The following TBCE variants were observed in gnomAD, a reference collection of about 807,000 sequenced individuals.
TBCE encodes the protein tubulin-specific chaperone E.
Under a neutral mutation model 77.0 loss-of-function variants are expected in TBCE, and 53 were observed. The observed-to-expected ratio is 0.69, with a 90% confidence interval of 0.55 to 0.87. The LOEUF is 0.87. Ranked by LOEUF, TBCE falls within the 40% of genes least tolerant of loss-of-function variation. TBCE has a pLI of 0.00. For missense variants in TBCE, 624 were observed against 622.4 expected (o/e 1.00, Z -0.03); for synonymous variants, 235 against 241.3 (o/e 0.97, Z 0.24).
intron 15 of TBCE, among the ~76,000 whole-genome samples, chr1:235,444,805 A>G (rs1382204457): frequency 6.6e-6 from 1 of 152,240 alleles, no homozygotes; most frequent in Non-Finnish European, 1.5e-5. Context: ...TGTTACCACT[A>G]TAGAGTATTT....
intron 2 of TBCE, among the ~76,000 whole-genome samples, chr1:235,380,513 G>A (rs1341109167): frequency 1.3e-5 from 2 of 151,920 alleles, no homozygotes; most frequent in African/African-American, 4.8e-5. Flanking sequence ...ATCCACGTGT[G>A]TAGGTATCTA....
At chr1:235,412,283 T>A in intron 3 of TBCE, among the ~76,000 whole-genome samples, 1 of 78,032 alleles carries the variant, frequency 1.3e-5, no homozygotes, top group African/African-American at 4.9e-5. Flanking sequence ...CAGGCTAGAG[T>A]GCAATGATGT....
chr1:235,424,732 C>T (rs1390139859), intron 5 of TBCE, among the ~76,000 whole-genome samples: 7 of 151,528 alleles, frequency 4.6e-5, no homozygotes, highest in African/African-American at 1.2e-4. Flanking sequence ...CTCGAACCCC[C>T]GACCTCAGGT....
At chr1:235,398,345 C>T (rs574175585) in intron 2 of TBCE, among the ~76,000 whole-genome samples, 1 of 151,932 alleles carries the variant, frequency 6.6e-6, no homozygotes, top group Admixed American at 6.6e-5. Flanking sequence ...GGGGTTTTGC[C>T]ATGTTGGTCA....
At chr1:235,404,271 C>T (rs201480076) in intron 3 of TBCE, among the ~76,000 whole-genome samples, 120 of 132,372 alleles carry the variant, frequency 9.1e-4, no homozygotes, top group East Asian at 4.9e-3. Flanking sequence ...AGCAAGACTC[C>T]GGCTCAAGAA....
At chr1:235,368,558 T>TTTTTTC (rs1676707080) in intron 1 of TBCE, among the ~76,000 whole-genome samples, 3 of 125,774 alleles carry the variant, frequency 2.4e-5, no homozygotes, top group African/African-American at 6.4e-5. Flanking sequence ...CCTGCTTTTT[T>TTTTTTC]TTTTTTTTTT....
chr1:235,430,057 CA>C, intron 6 of TBCE: 1 of 114,358 alleles, frequency 8.7e-6, no homozygotes, highest in East Asian at 3.4e-4. Flanking sequence ...TTTGCATAGA[CA>C]TGTGAGTGTA....
At chr1:235,448,568 G>A in intron 16 of TBCE, 102 bp from the exon 17 acceptor site, 1 of 1,375,464 alleles carries the variant, frequency 7.3e-7, no homozygotes, top group Admixed American at 1.7e-5. Context: ...TGATTTTAAG[G>A]GTAAGCTACT....
intron 7 of TBCE, among the ~76,000 whole-genome samples, chr1:235,431,743 G>A (rs1681102582): frequency 6.7e-6 from 1 of 149,000 alleles, no homozygotes; most frequent in South Asian, 2.1e-4. Context: ...CGCAATCTCG[G>A]CTCACTGCAA....
At chr1:235,401,922 T>C (rs1349559443) in intron 3 of TBCE, among the ~76,000 whole-genome samples, 1 of 147,492 alleles carries the variant, frequency 6.8e-6, no homozygotes, top group East Asian at 2.0e-4. Context: ...AAGTAAATAA[T>C]AGAAAAGAGA....
At chr1:235,401,640 A>G (rs1679112605) in intron 3 of TBCE, 53 bp downstream of exon 3, 7 of 1,436,480 alleles carry the variant, frequency 4.9e-6, no homozygotes, top group Non-Finnish European at 6.9e-6. Context: ...TATATTTAAT[A>G]CTTGAATAAG....
At chr1:235,448,220 CAAAAAAA>C (rs59405398) in intron 15 of TBCE, 122 bp from the exon 16 acceptor site, 21 of 530,990 alleles carry the variant, frequency 4.0e-5, no homozygotes, top group Middle Eastern at 3.2e-4. Flanking sequence ...AAGTCAGTCT[CAAAAAAA>C]AAAAAAAAAA....
chr1:235,369,557 C>T (rs1484750690), intron 1 of TBCE, among the ~76,000 whole-genome samples: 3 of 151,702 alleles, frequency 2.0e-5, no homozygotes, highest in African/African-American at 7.3e-5. Flanking sequence ...CGCAGTGGCT[C>T]AAGCCTGTAA....
At position 235,448,415 on chromosome 1, in the gene TBCE, T is replaced by C; in HGVS notation, c.1466T>C (p.Leu489Pro). 5.0e-6 allele frequency: 8 copies of C among 1,614,128 alleles called. No homozygotes were observed. The highest frequency in any genetic ancestry group is 5.9e-6 in the Non-Finnish European group (7 of 1,180,020). ...CTTCTCAAAGTTCCTGTGTCAGACC[T>C]TCTGTTGTCCTATGAAAGTCCCAAA... is the stretch of plus-strand genomic sequence containing the variant. Reference protein sequence around the residue: ...SRLLKVPVSDLLLSYESPKKP... With the variant: ...SRLLKVPVSDPLLSYESPKKP... The change falls in exon 16 of 17, where the codon CTT becomes CCT. Residue 489 changes from leucine (L) to proline (P), a missense_variant. Leu to Pro is a moderately conservative substitution (Grantham distance 98). Coordinates refer to ENST00000642610, the MANE Select transcript of TBCE (RefSeq NM_003193.5).
intron 2 of TBCE, among the ~76,000 whole-genome samples, chr1:235,397,498 C>T (rs1020426367): frequency 5.9e-5 from 9 of 152,198 alleles, no homozygotes; most frequent in African/African-American, 2.2e-4. Context: ...CAGGCGTAAG[C>T]CACCGCGTCC....
intron 2 of TBCE, among the ~76,000 whole-genome samples, chr1:235,397,356 G>T (rs144994124): frequency 0.018 from 2,668 of 152,096 alleles, 23 homozygotes; most frequent in Non-Finnish European, 0.027. Context: ...CGCCCGCCAG[G>T]ATGCGCGGCT....
intron 2 of TBCE, among the ~76,000 whole-genome samples, chr1:235,386,946 T>A (rs1678046246): frequency 6.6e-6 from 1 of 152,286 alleles, no homozygotes; most frequent in South Asian, 2.1e-4. Context: ...ACTTTTGGTC[T>A]TTGATGATGG....
At chr1:235,367,561 C>T (rs952195918) in intron 1 of TBCE, 57 bp downstream of exon 1, 4 of 152,696 alleles carry the variant, frequency 2.6e-5, no homozygotes, top group Non-Finnish European at 5.9e-5. Context: ...CGGTGCGTCA[C>T]CCTGCAGTGC....
intron 2 of TBCE, among the ~76,000 whole-genome samples, chr1:235,397,322 C>T (rs957568237): frequency 3.9e-5 from 6 of 151,942 alleles, no homozygotes; most frequent in African/African-American, 1.4e-4. Flanking sequence ...CTGCTTCAGC[C>T]TCCCGAGCAG....
Sources: gnomAD v4.1 joint callset for allele counts (sites outside exome capture counted in the v4.1 genomes callset) on GRCh38, gnomAD v4.1.1 for gene constraint, MANE v1.5 for transcripts, NCBI Gene and HGNC (gene_info 2026-07-23, HGNC 2026-07-21) for gene names.